MTERF4: variants seen among roughly 807,000 people sequenced by gnomAD.
MTERF4 encodes transcription termination factor 4, mitochondrial.
A neutral mutation model predicts 22.5 loss-of-function variants in MTERF4; 17 were observed. The observed-to-expected ratio is 0.75, with a 90% CI of 0.52 to 1.13. The LOEUF (loss-of-function observed/expected upper bound fraction) is 1.13, where lower values mean the gene tolerates loss of function less well. Ranked by LOEUF, MTERF4 falls within the 50% of genes most tolerant of loss-of-function variation. MTERF4 has a pLI of 0.00. For missense variants in MTERF4, 420 were observed against 466.8 expected (o/e 0.90, Z 0.92); for synonymous variants, 165 against 175.3 (o/e 0.94, Z 0.47).
At chr2:241,062,791 A>G in the MTERF4 span, 5 of 1,606,074 alleles carry the variant, frequency 3.1e-6, no homozygotes, top group Non-Finnish European at 4.3e-6. Context: ...CTCCTCTCAG[A>G]AATCGATGAG....
chr2:241,043,769 C>G, the MTERF4 span, among the ~76,000 whole-genome samples: 5 of 152,192 alleles, frequency 3.3e-5, no homozygotes, highest in Non-Finnish European at 5.9e-5. Flanking sequence ...CATATGGTCT[C>G]TATCACAACT....
downstream of MTERF4, chr2:241,071,933 C>A: frequency 7.3e-7 from 1 of 1,375,200 alleles, no homozygotes; most frequent in African/African-American, 1.4e-5. Flanking sequence ...TCCTCACTGC[C>A]ACTCTCACCA....
the MTERF4 span, among the ~76,000 whole-genome samples, chr2:241,050,831 T>G: frequency 0.61 from 92,303 of 150,872 alleles, 28,997 homozygotes; most frequent in East Asian, 0.79. Context: ...GTACCCAAGG[T>G]GGGGGTCCTA....
chr2:241,052,836 C>G, the MTERF4 span, among the ~76,000 whole-genome samples: 4,140 of 125,136 alleles, frequency 0.033, 250 homozygotes, highest in East Asian at 0.14. Context: ...ATGCCGGTGT[C>G]AGGCAGGTGA....
chr2:241,070,272 C>T, downstream of MTERF4: 4 of 1,471,730 alleles, frequency 2.7e-6, no homozygotes, highest in Non-Finnish European at 3.6e-6. Flanking sequence ...CAGGACTGAC[C>T]TGGCCCTGCA....
downstream of MTERF4, chr2:241,070,091 C>T (rs760418506): frequency 1.7e-5 from 27 of 1,612,924 alleles, no homozygotes; most frequent in Non-Finnish European, 2.1e-5. Context: ...GCGTCCTACA[C>T]GGTGCGCGAC....
chr2:241,043,191 CA>C, the MTERF4 span, among the ~76,000 whole-genome samples: 1 of 152,152 alleles, frequency 6.6e-6, no homozygotes, highest in Non-Finnish European at 1.5e-5. Context: ...CCAAGAAAAG[CA>C]TGAAGAAAAC....
chr2:241,096,232 C>G lies in MTERF4; in HGVS notation c.912G>C (p.Arg304Ser). ...LRVSEAEFLA[R>S]TACTSVEEFQ... is the part of the protein sequence containing the mutation. ...ACTCCTCAACAGAAGTACAGGCTGT[C>G]CTGGCCAAAAACTCAGCTTCTGAAA... The change falls in exon 4 of 4, where the codon AGG (arginine) becomes AGC (serine). Residue 304 changes from arginine (R) to serine (S), a missense_variant. By Grantham distance (110) the Arg-to-Ser change is moderately radical (BLOSUM62 -1). Transcript: ENST00000391980. This position sits in a 1 kb window ranked among gnomAD's most constrained non-coding sequence, Gnocchi z 5.1. 1 of 1,614,220 alleles carries G rather than the reference C, an allele frequency of 6.2e-7. No homozygotes were observed. The highest frequency in any genetic ancestry group is 2.2e-5 in the East Asian group (1 of 44,884).
chr2:241,088,050 G>A (rs376030406), downstream of MTERF4: 29 of 439,370 alleles, frequency 6.6e-5, no homozygotes, highest in African/African-American at 5.2e-4. Context: ...CGTGCTGCTC[G>A]GCCTGTGCAC....
chr2:241,085,911 G>A (rs2063552699), downstream of MTERF4, among the ~76,000 whole-genome samples: 1 of 136,208 alleles, frequency 7.3e-6, no homozygotes, highest in South Asian at 2.3e-4. Context: ...CTGTCGCCCA[G>A]GCTGGAGTGC....
the MTERF4 span, among the ~76,000 whole-genome samples, chr2:241,044,866 G>A: frequency 6.6e-6 from 1 of 152,160 alleles, no homozygotes; most frequent in African/African-American, 2.4e-5. Context: ...TGGCAAGGTA[G>A]GGAAATAAAA....
downstream of MTERF4, among the ~76,000 whole-genome samples, chr2:241,084,746 T>G (rs1375071165): frequency 2.0e-5 from 3 of 152,192 alleles, no homozygotes; most frequent in African/African-American, 4.8e-5. Context: ...AGATCTAGGA[T>G]TCCATCTGGT....
the MTERF4 span, among the ~76,000 whole-genome samples, chr2:241,050,387 T>C: frequency 1.3e-5 from 2 of 152,102 alleles, no homozygotes; most frequent in Non-Finnish European, 2.9e-5. Context: ...GTCCCTTCTG[T>C]GCAGTTTGAA....
chr2:241,064,306 T>C, the MTERF4 span, among the ~76,000 whole-genome samples: 1 of 151,384 alleles, frequency 6.6e-6, no homozygotes, highest in South Asian at 2.1e-4. The surrounding 1 kb of genome is among the most constrained non-coding windows in gnomAD (Gnocchi z 7.0). Flanking sequence ...TCTCCCTTGG[T>C]CCCACAATGG....
At chr2:241,058,810 C>T in the MTERF4 span, among the ~76,000 whole-genome samples, 2 of 151,972 alleles carry the variant, frequency 1.3e-5, no homozygotes, top group South Asian at 2.1e-4. Flanking sequence ...ATTAGCTGGG[C>T]GAGGTGGCGG....
At chr2:241,060,928 T>A in the MTERF4 span, among the ~76,000 whole-genome samples, 15 of 150,168 alleles carry the variant, frequency 1.0e-4, no homozygotes, top group East Asian at 3.1e-3. Context: ...AGACCCTGTC[T>A]CAAAAAAAAA....
chr2:241,082,464 G>A (rs984555052), downstream of MTERF4: 33 of 807,412 alleles, frequency 4.1e-5, no homozygotes, highest in African/African-American at 2.4e-4. Flanking sequence ...GAGGAGGGAC[G>A]ATGGCTGCAG....
chr2:241,094,516 C>T, downstream of MTERF4: 1 of 396,434 alleles, frequency 2.5e-6, no homozygotes, highest in Non-Finnish European at 5.2e-6. The surrounding 1 kb of genome is among the most constrained non-coding windows in gnomAD (Gnocchi z 4.3). Flanking sequence ...TATTCCAGTG[C>T]ATAGGGGAAA....
At chr2:241,042,959 T>A in the MTERF4 span, among the ~76,000 whole-genome samples, 1 of 151,234 alleles carries the variant, frequency 6.6e-6, no homozygotes, top group South Asian at 2.1e-4. Flanking sequence ...GTATTTGGAG[T>A]CTGTGAAGGA....
Sources: gnomAD v4.1 joint callset for allele counts (sites outside exome capture counted in the v4.1 genomes callset) on GRCh38, gnomAD v4.1.1 for gene constraint, Gnocchi (gnomAD v3.1) non-coding constraint, MANE v1.5 for transcripts, NCBI Gene and HGNC (gene_info 2026-07-23, HGNC 2026-07-21) for gene names.